Variants in SYCP1 observed in about 807,000 individuals in gnomAD.
The protein encoded by SYCP1 is synaptonemal complex protein 1.
SYCP1 carries 64 observed loss-of-function variants against 153.1 expected under a neutral mutation model. That is an observed-to-expected ratio of 0.42 (90% CI 0.34 to 0.51). The LOEUF (loss-of-function observed/expected upper bound fraction) is 0.51, where lower values mean the gene tolerates loss of function less well. Ranked by LOEUF, SYCP1 falls within the 20% of genes least tolerant of loss-of-function variation. The pLI is 0.06. For synonymous variants in SYCP1, 384 were observed against 341.8 expected (o/e 1.12, Z -1.36); for missense variants, 997 against 1,049.0 (o/e 0.95, Z 0.68).
chr1:114,994,921 T>A lies in SYCP1; in HGVS notation c.2833T>A (p.Phe945Ile). 6.2e-7 allele frequency: 1 copy of A among 1,609,190 alleles called. No homozygotes were observed. Among genetic ancestry groups the A allele is most frequent in the Non-Finnish European group, 8.5e-7 (1 of 1,177,270 alleles). ...SLTTPGSTLK[F>I]GAIRKMREDR... ...AACAACCCCTGGATCTACACTGAAG[T>A]TTGGAGCTATAAGAAAAATGCGGGA... Residue 945 changes from phenylalanine to isoleucine, a missense_variant, in exon 32 of 32, where the codon TTT becomes ATT. This residue lies in a region of SYCP1 where 712 missense variants were observed against 682.9 expected (regional missense o/e 1.04). Coordinates refer to ENST00000369522, the MANE Select transcript of SYCP1 (RefSeq NM_003176.4).
intron 23 of SYCP1, among the ~76,000 whole-genome samples, chr1:114,928,974 T>C (rs1220802170): frequency 6.6e-6 from 1 of 152,192 alleles, no homozygotes; most frequent in Non-Finnish European, 1.5e-5. Flanking sequence ...ATTCAGTGTC[T>C]GGTGGGACCC....
At chr1:114,988,283 A>G (rs570319339) in intron 30 of SYCP1, among the ~76,000 whole-genome samples, 18 of 151,878 alleles carry the variant, frequency 1.2e-4, no homozygotes, top group African/African-American at 4.3e-4. Flanking sequence ...TAAATGCTAA[A>G]AACTTCCCAA....
In SYCP1 at chr1:114,913,849, G is replaced by A. The variant is rs2878582; in HGVS notation, c.1648-126G>A. The A allele has an allele frequency of 3.1e-3, 1,831 of 599,860 alleles. 22 individuals are homozygous for A. The African/African-American group carries it at 0.032, about 10-fold the overall frequency. The allele number at this position is 599,860 out of a possible 1,614,324, so 37.2% of individuals were successfully genotyped here. The stretch of plus-strand genomic sequence containing the variant: ...AGTATGGAACTATACAAGTTGAAAA[G>A]CCCATTTTTTTGCTTTATATATAAC... On this transcript the variant is annotated intron_variant, in intron 19 of 31. Coordinates refer to ENST00000369522, the MANE Select transcript of SYCP1 (RefSeq NM_003176.4).
intron 23 of SYCP1, among the ~76,000 whole-genome samples, chr1:114,943,035 T>G (rs1670483157): frequency 1.3e-5 from 2 of 151,950 alleles, no homozygotes; most frequent in South Asian, 4.1e-4. Flanking sequence ...GTTAAACATG[T>G]TACATAATTT....
intron 23 of SYCP1, among the ~76,000 whole-genome samples, chr1:114,933,173 G>T (rs1221221950): frequency 6.6e-6 from 1 of 152,188 alleles, no homozygotes; most frequent in East Asian, 1.9e-4. Context: ...ACCTCACATG[G>T]CTGGGTACCC....
At chr1:114,900,101 C>T (rs554729018) in intron 16 of SYCP1, among the ~76,000 whole-genome samples, 11 of 152,256 alleles carry the variant, frequency 7.2e-5, no homozygotes, top group African/African-American at 1.9e-4. Context: ...TTTTAATGCT[C>T]AATTTACAGA....
intron 8 of SYCP1, among the ~76,000 whole-genome samples, chr1:114,861,732 T>TA (rs1394435500): frequency 6.6e-6 from 1 of 151,960 alleles, no homozygotes; most frequent in Non-Finnish European, 1.5e-5. Context: ...AAGTGCTCAA[T>TA]AAATGTTGGG....
At chr1:114,971,313 G>A (rs1268925903) in intron 27 of SYCP1, among the ~76,000 whole-genome samples, 1 of 152,108 alleles carries the variant, frequency 6.6e-6, no homozygotes, top group East Asian at 1.9e-4. Flanking sequence ...TGGTTCTCAG[G>A]CCAATGGAGT....
rs1667867727 is a variant in SYCP1, at chr1:114,907,202, A to G, written c.1321-3195A>G. On this transcript the variant is annotated intron_variant, in intron 16 of 31. Coordinates refer to ENST00000369522, the MANE Select transcript of SYCP1 (RefSeq NM_003176.4). Reference sequence around the variant, plus strand: ...TCTTACAACCTACATTTGACTTTATATTTGTACATATGTGCTTATATGTAG... The same window carrying G: ...TCTTACAACCTACATTTGACTTTATGTTTGTACATATGTGCTTATATGTAG... Among the ~76,000 whole-genome samples the G allele has an allele frequency of 3.9e-5, 6 of 152,202 alleles. No individual in the cohort carries two copies. In the South Asian group the frequency reaches 1.2e-3, roughly 32 times the overall value.
Position 114,857,136 on chromosome 1 carries a change from C to CAAAAAAAAAAAAAA in SYCP1, c.194-88_194-75dup, listed in dbSNP as rs71582509. 4.2e-4 allele frequency: 103 copies of CAAAAAAAAAAAAAA among 245,166 alleles called. 2 individuals carry two copies. The highest frequency in any genetic ancestry group is 5.3e-4 in the African/African-American group (9 of 16,858). 15.2% of individuals were successfully genotyped at this position (245,166 alleles called of 1,614,324 possible). On this transcript the variant is annotated intron_variant, in intron 3 of 31. Transcript: ENST00000369522. ...ATAGTGCCAGATGTCCTCTCTCTCT[C>CAAAAAAAAAAAAAA]AAAAAAAAAAAAAAAAAAAAAGAGA...
intron 16 of SYCP1, among the ~76,000 whole-genome samples, chr1:114,907,163 G>A (rs1667866068): frequency 6.6e-6 from 1 of 151,954 alleles, no homozygotes; most frequent in South Asian, 2.1e-4. Flanking sequence ...TATGCTTGTT[G>A]TTTGCATGAT....
rs951299854 is a variant in SYCP1 at position 114,935,957 on chromosome 1, G to A, written c.1927-8382G>A. Among the ~76,000 whole-genome samples the A allele has an allele frequency of 7.2e-5, 11 of 152,180 alleles. No homozygotes were observed. In the East Asian group the frequency reaches 1.2e-3, roughly 16 times the overall value. On this transcript the variant is annotated intron_variant, in intron 23 of 31. Transcript: ENST00000369522. ...TCCAGGACCAGACGGAGTCACAGCCGAATTCTACCAGAGGTACAAACAGAA... is the reference window on the plus strand; with the variant it reads ...TCCAGGACCAGACGGAGTCACAGCCAAATTCTACCAGAGGTACAAACAGAA...
At chr1:114,960,553 C>T (rs1260380363) in intron 27 of SYCP1, among the ~76,000 whole-genome samples, 1 of 152,176 alleles carries the variant, frequency 6.6e-6, no homozygotes, top group Admixed American at 6.5e-5. Flanking sequence ...CTTTTCTCCA[C>T]GTCCTCGTCA....
chr1:114,874,619 G>T, intron 9 of SYCP1, 55 bp downstream of exon 9: 1 of 1,077,346 alleles, frequency 9.3e-7, no homozygotes, highest in Non-Finnish European at 1.4e-6. Context: ...GAGCAAATTA[G>T]AGCGATTGCT....
intron 27 of SYCP1, among the ~76,000 whole-genome samples, chr1:114,970,386 ATCGACCTTCTGAAT>A (rs1672402524): frequency 6.6e-6 from 1 of 151,868 alleles, no homozygotes; most frequent in African/African-American, 2.4e-5. Context: ...TAGCTTAATA[ATCGACCTTCTGAAT>A]TCTTTTTCTG....
chr1:114,856,541 C>A, intron 2 of SYCP1, 32 bp from the exon 3 acceptor site: 2 of 1,500,848 alleles, frequency 1.3e-6, no homozygotes, highest in South Asian at 1.2e-5. Flanking sequence ...TGGTATGAAA[C>A]AGAATATTTA....
intron 27 of SYCP1, among the ~76,000 whole-genome samples, chr1:114,953,780 T>A (rs2101855419): frequency 6.6e-6 from 1 of 152,328 alleles, no homozygotes; most frequent in East Asian, 1.9e-4. Context: ...TTAGTACCTG[T>A]TACTTTCCAT....
At chr1:114,871,135 G>A (rs142827336) in intron 8 of SYCP1, among the ~76,000 whole-genome samples, 1 of 151,538 alleles carries the variant, frequency 6.6e-6, no homozygotes, top group African/African-American at 2.4e-5. Context: ...AGGTTACAGT[G>A]AGTACCTTAT....
chr1:114,910,576 T>A (rs1668111639), intron 17 of SYCP1, 75 bp downstream of exon 17: 1 of 910,526 alleles, frequency 1.1e-6, no homozygotes. Flanking sequence ...GGTATAAGTA[T>A]TTCTTTTGTT....
Sources: gnomAD v4.1 joint callset for allele counts (sites outside exome capture counted in the v4.1 genomes callset) on GRCh38, gnomAD v4.1.1 for gene constraint, gnomAD v4.1.1 regional missense constraint, MANE v1.5 for transcripts, NCBI Gene and HGNC (gene_info 2026-07-23, HGNC 2026-07-21) for gene names.